The following SAMD8 variants were observed in gnomAD, a reference collection of about 807,000 sequenced individuals.
SAMD8 encodes the protein sphingomyelin synthase-related protein 1.
In SAMD8, 20 loss-of-function variants were observed where a neutral mutation model predicts 42.0. The ratio of observed to expected loss-of-function variants is 0.48; its 90% CI spans 0.34 to 0.69. SAMD8 has a LOEUF of 0.69. SAMD8 is among the 30% of genes least tolerant of loss of function. The pLI is 0.01. For synonymous variants in SAMD8, 162 were observed against 173.0 expected (o/e 0.94, Z 0.50); for missense variants, 328 against 511.6 (o/e 0.64, Z 3.46).
At chr10:75,158,020 A>AT (rs373993318) in intron 2 of SAMD8, among the ~76,000 whole-genome samples, 19 of 151,778 alleles carry the variant, frequency 1.3e-4, no homozygotes, top group African/African-American at 3.9e-4. Flanking sequence ...TTAGCCAGGC[A>AT]TGGTGGTGCA....
chr10:75,115,767 C>T (rs1396432088), intron 1 of SAMD8, among the ~76,000 whole-genome samples: 5 of 151,866 alleles, frequency 3.3e-5, no homozygotes, highest in South Asian at 2.1e-4. Flanking sequence ...GGTGAAACCC[C>T]GTCTCTACTA....
At chr10:75,159,762 A>G (rs747765693) in intron 2 of SAMD8, among the ~76,000 whole-genome samples, 10 of 152,304 alleles carry the variant, frequency 6.6e-5, no homozygotes, top group Non-Finnish European at 1.3e-4. Context: ...CCCTTTCCTG[A>G]GTTCTCCACA....
chr10:75,111,560 C>T (rs184382121), upstream of SAMD8: 4,370 of 1,248,322 alleles, frequency 3.5e-3, 7 homozygotes, highest in Admixed American at 8.2e-3. Flanking sequence ...TGCCTGCGCG[C>T]AGTCGCCACC....
At chr10:75,105,052 C>A (rs1328511372) in intron 1 of SAMD8, among the ~76,000 whole-genome samples, 1 of 152,096 alleles carries the variant, frequency 6.6e-6, no homozygotes, top group Non-Finnish European at 1.5e-5. Context: ...AGGCTTGAGG[C>A]GAGACAGGCA....
chr10:75,159,554 C>T (rs145862128), intron 2 of SAMD8, among the ~76,000 whole-genome samples: 55 of 152,254 alleles, frequency 3.6e-4, no homozygotes, highest in African/African-American at 1.3e-3. Context: ...CATGGATACT[C>T]CCAACATCCA....
intron 1 of SAMD8, among the ~76,000 whole-genome samples, chr10:75,112,321 G>A (rs191846351): frequency 3.9e-5 from 6 of 152,356 alleles, no homozygotes; most frequent in Non-Finnish European, 7.3e-5. Flanking sequence ...GGGTGAGGGA[G>A]GCACTGAAAA....
At position 75,151,107 on chromosome 10, in the gene SAMD8, G is replaced by GT; in HGVS notation, c.578+2dup. The stretch of plus-strand genomic sequence containing the variant: ...CACTCCCAGATATATTCTTAGACAG[G>GT]TAAGTTTTGTTTCTAGTTGCTAAGT... On this transcript the variant is annotated splice_donor_variant, in intron 2 of 5. Transcript: ENST00000542569. LOFTEE classifies it high-confidence loss of function. 2.1e-6 allele frequency: 3 copies of GT among 1,460,460 alleles called. No individual in the cohort carries two copies. The highest frequency in any genetic ancestry group is 2.7e-6 in the Non-Finnish European group (3 of 1,102,708). The allele number at this position is 1,460,460 out of a possible 1,614,324, so 90.5% of individuals were successfully genotyped here.
At position 75,150,839 on chromosome 10, in the gene SAMD8, T is replaced by C. The variant is rs1476485354; in HGVS notation, c.311T>C (p.Leu104Pro). ...TCCATGACCCCTTTCATCAGTGCTC[T>C]TCAGAGTACAGACTGGCTCTGTAAT... ...MGSMTPFISA[L>P]QSTDWLCNGE... The change falls in exon 2 of 6, where the codon CTT becomes CCT. Residue 104 changes from leucine to proline, a missense_variant. This residue lies in a region of SAMD8 where 150 missense variants were observed against 186.0 expected (regional missense o/e 0.81). Transcript: ENST00000542569. The C allele has an allele frequency of 6.2e-7, 1 of 1,614,130 alleles. No homozygotes were observed. Among genetic ancestry groups the C allele is most frequent in the Admixed American group, 1.7e-5 (1 of 59,998 alleles).
intron 2 of SAMD8, among the ~76,000 whole-genome samples, chr10:75,155,251 G>A (rs771647956): frequency 3.0e-4 from 46 of 152,118 alleles, no homozygotes; most frequent in Non-Finnish European, 4.9e-4. Context: ...TACAGAGATG[G>A]GAAAACTGTG....
upstream of SAMD8, among the ~76,000 whole-genome samples, chr10:75,107,611 C>CTT (rs1422083744): frequency 6.6e-6 from 1 of 152,014 alleles, no homozygotes; most frequent in Non-Finnish European, 1.5e-5. Context: ...GAGTTTCGCC[C>CTT]TTTTGCCCAG....
At chr10:75,105,698 G>A (rs767110628) in intron 1 of SAMD8, 44 of 1,550,906 alleles carry the variant, frequency 2.8e-5, no homozygotes, top group Admixed American at 1.9e-4. Flanking sequence ...CGCAGTTGCT[G>A]GTCCAGCCTG....
chr10:75,111,600 C>G, upstream of SAMD8: 1 of 1,250,192 alleles, frequency 8.0e-7, no homozygotes, highest in Non-Finnish European at 1.0e-6. Context: ...CTCCCCGCCC[C>G]GGGCTCCGCC....
At chr10:75,102,826 C>T (rs1198719104) in intron 1 of SAMD8, among the ~76,000 whole-genome samples, 1 of 152,118 alleles carries the variant, frequency 6.6e-6, no homozygotes, top group Non-Finnish European at 1.5e-5. Flanking sequence ...GTGGCGCATG[C>T]CTGTAATCCC....
At chr10:75,170,734 T>A (rs1261794549) in intron 4 of SAMD8, among the ~76,000 whole-genome samples, 1 of 151,386 alleles carries the variant, frequency 6.6e-6, no homozygotes, top group African/African-American at 2.4e-5. Flanking sequence ...CAGACCATTT[T>A]TAAGCATACT....
At chr10:75,167,707 C>T (rs1424087663) in intron 3 of SAMD8, among the ~76,000 whole-genome samples, 2 of 152,222 alleles carry the variant, frequency 1.3e-5, no homozygotes, top group East Asian at 1.9e-4. Context: ...ACCCTCCCAC[C>T]TCAGCCTCTC....
intron 4 of SAMD8, 175 bp from the exon 5 acceptor site, chr10:75,175,891 C>T (rs1589982445): frequency 1.0e-6 from 1 of 985,372 alleles, no homozygotes; most frequent in East Asian, 1.1e-4. Flanking sequence ...TACAGCCAAG[C>T]TTTGCCCACC....
upstream of SAMD8, chr10:75,109,130 C>T (rs762584207): frequency 2.5e-6 from 4 of 1,606,168 alleles, no homozygotes; most frequent in South Asian, 1.1e-5. Flanking sequence ...TCCTCTCCCC[C>T]CAGCTCTGGG....
In SAMD8 at chr10:75,159,172, C is replaced by T. The variant is rs150925938; in HGVS notation, c.579-5473C>T. ...CTCCTGGGTCAAACGGTGCTCATGC[C>T]TCAGCCTCCTGAGTAGCTGGGATTA... is the stretch of plus-strand genomic sequence containing the variant. On this transcript the variant is annotated intron_variant, in intron 2 of 5. Transcript: ENST00000542569. 2.7e-3 allele frequency among the ~76,000 whole-genome samples: 415 copies of T among 151,698 alleles called. 6 individuals carry two copies. The highest frequency in any genetic ancestry group is 0.017 in the East Asian group (89 of 5,158).
chr10:75,116,599 C>G (rs1283751145), intron 1 of SAMD8, among the ~76,000 whole-genome samples: 1 of 152,162 alleles, frequency 6.6e-6, no homozygotes, highest in East Asian at 1.9e-4. Flanking sequence ...TTTGGAAATA[C>G]TTGCAAATCT....
Sources: allele counts gnomAD v4.1 joint callset (sites outside exome capture counted in the v4.1 genomes callset), GRCh38; gene constraint gnomAD v4.1.1; regional missense constraint gnomAD v4.1.1; transcripts MANE v1.5; gene names NCBI Gene and HGNC (gene_info 2026-07-23, HGNC 2026-07-21).